TSHZ2: variants seen among roughly 807,000 people sequenced by gnomAD.
The protein encoded by TSHZ2 is teashirt zinc finger homeobox 2.
TSHZ2 carries 21 observed loss-of-function variants against 74.4 expected under a neutral mutation model. The ratio of observed to expected loss-of-function variants is 0.28; its 90% CI spans 0.20 to 0.41. The LOEUF (loss-of-function observed/expected upper bound fraction) is 0.41. Ranked by LOEUF, TSHZ2 falls within the 10% of genes least tolerant of loss-of-function variation. TSHZ2 has a pLI of 1.00. For synonymous variants in TSHZ2, 540 were observed against 515.3 expected, an observed-to-expected ratio of 1.05 and a Z score of -0.65; for missense variants, 1,244 against 1,293.5, an observed-to-expected ratio of 0.96 and a Z score of 0.59.
chr20:53,103,707 A>C (rs1986282925), intron 1 of TSHZ2, among the ~76,000 whole-genome samples: 2 of 152,166 alleles, frequency 1.3e-5, no homozygotes, highest in African/African-American at 4.8e-5. Flanking sequence ...TCACCATTTC[A>C]GTTACAGGGC....
intron 2 of TSHZ2, among the ~76,000 whole-genome samples, chr20:53,279,482 G>A (rs1383193072): frequency 6.6e-6 from 1 of 152,180 alleles, no homozygotes; most frequent in African/African-American, 2.4e-5. Context: ...CAGATGGCAG[G>A]CTGGATCAGG....
At chr20:53,145,530 G>A (rs548454700) in intron 1 of TSHZ2, among the ~76,000 whole-genome samples, 6 of 152,328 alleles carry the variant, frequency 3.9e-5, no homozygotes, top group African/African-American at 1.2e-4. Flanking sequence ...TTAATGAAGG[G>A]TGAGTTATCC....
At chr20:52,988,693 A>G (rs1197206289) in intron 1 of TSHZ2, among the ~76,000 whole-genome samples, 2 of 152,176 alleles carry the variant, frequency 1.3e-5, no homozygotes, top group Admixed American at 1.3e-4. Flanking sequence ...GAAATCTCTT[A>G]TGCTATCCAT....
At chr20:53,100,433 A>G (rs1284995365) in intron 1 of TSHZ2, among the ~76,000 whole-genome samples, 2 of 152,220 alleles carry the variant, frequency 1.3e-5, no homozygotes, top group African/African-American at 2.4e-5. Context: ...GTTAAAAAAT[A>G]AAGTGCATAT....
intron 1 of TSHZ2, among the ~76,000 whole-genome samples, chr20:53,149,465 G>A (rs146623895): frequency 5.9e-5 from 9 of 152,288 alleles, no homozygotes; most frequent in Non-Finnish European, 1.3e-4. Flanking sequence ...GAGAGAAAGA[G>A]GGGGAGGAAA....
chr20:52,989,164 C>A (rs974931659), intron 1 of TSHZ2, among the ~76,000 whole-genome samples: 566 of 125,640 alleles, frequency 4.5e-3, no homozygotes, highest in South Asian at 9.4e-3. Flanking sequence ...CTCTGTCTGG[C>A]AAAAAAAAAA....
At chr20:53,436,536 A>ATTTTTTTTTTTTTTTTTTT (rs71194478) in intron 2 of TSHZ2, among the ~76,000 whole-genome samples, 16 of 83,528 alleles carry the variant, frequency 1.9e-4, no homozygotes, top group East Asian at 4.0e-4. Context: ...TATTATTATT[A>ATTTTTTTTTTTTTTTTTTT]TTATTATTAT....
intron 1 of TSHZ2, among the ~76,000 whole-genome samples, chr20:53,119,772 G>T (rs1358498113): frequency 6.6e-6 from 1 of 152,112 alleles, no homozygotes; most frequent in Non-Finnish European, 1.5e-5. Context: ...CACATATGGG[G>T]TTCACTTTAT....
chr20:53,412,350 C>A (rs1983083634), intron 2 of TSHZ2, among the ~76,000 whole-genome samples: 1 of 152,240 alleles, frequency 6.6e-6, no homozygotes, highest in Non-Finnish European at 1.5e-5. Context: ...CTACTGGTTC[C>A]CAGCCTGTGT....
intron 2 of TSHZ2, among the ~76,000 whole-genome samples, chr20:53,388,647 G>A (rs563610618): frequency 5.4e-4 from 77 of 142,050 alleles, no homozygotes; most frequent in Admixed American, 4.9e-3. Flanking sequence ...AGGCGACCTT[G>A]GCTCACTGCA....
intron 1 of TSHZ2, among the ~76,000 whole-genome samples, chr20:53,095,100 T>C (rs1352482045): frequency 6.6e-6 from 1 of 152,132 alleles, no homozygotes; most frequent in African/African-American, 2.4e-5. Context: ...CTCACGCAAC[T>C]CAAAAGTCTA....
intron 1 of TSHZ2, among the ~76,000 whole-genome samples, chr20:53,126,403 A>G (rs1986948706): frequency 6.6e-6 from 1 of 152,230 alleles, no homozygotes; most frequent in South Asian, 2.1e-4. Flanking sequence ...ACATGATACC[A>G]CTGACCTCAT....
chr20:53,252,487 G>A (rs1222374722), intron 1 of TSHZ2, among the ~76,000 whole-genome samples: 2 of 152,218 alleles, frequency 1.3e-5, no homozygotes, highest in African/African-American at 4.8e-5. Flanking sequence ...TGAAGAAAAT[G>A]AGCCCATAGG....
intron 1 of TSHZ2, among the ~76,000 whole-genome samples, chr20:53,021,331 T>C (rs1057246044): frequency 1.3e-5 from 2 of 152,186 alleles, no homozygotes; most frequent in Non-Finnish European, 2.9e-5. Flanking sequence ...ACCCCAGACC[T>C]ACTGAATCAG....
intron 2 of TSHZ2, among the ~76,000 whole-genome samples, chr20:53,422,139 C>T (rs1326934536): frequency 1.3e-5 from 2 of 151,914 alleles, no homozygotes; most frequent in African/African-American, 2.4e-5. Flanking sequence ...GCTGGACTGC[C>T]GAGTTAAGGT....
At chr20:53,106,423 G>A (rs1376923781) in intron 1 of TSHZ2, among the ~76,000 whole-genome samples, 2 of 16,428 alleles carry the variant, frequency 1.2e-4, no homozygotes, top group African/African-American at 3.0e-4. Context: ...TTTTTTTTTT[G>A]AGACGGAGTC....
At chr20:53,171,564 TTAAG>T (rs1311762771) in intron 1 of TSHZ2, among the ~76,000 whole-genome samples, 1 of 152,172 alleles carries the variant, frequency 6.6e-6, no homozygotes. Flanking sequence ...TTTTCCTAAA[TTAAG>T]TGTTATGTTT....
chr20:53,205,310 A>G (rs1003503533), intron 1 of TSHZ2, among the ~76,000 whole-genome samples: 1 of 152,232 alleles, frequency 6.6e-6, no homozygotes, highest in African/African-American at 2.4e-5. Context: ...ATTTCAGCCC[A>G]GAAATTATGG....
rs142709834 is a variant in TSHZ2 at position 53,435,975 on chromosome 20, T to C, written c.*9-51169T>C. On this transcript the variant is annotated intron_variant, in intron 2 of 2. Transcript: ENST00000371497. Reference sequence around the variant, plus strand: ...CCCCAACCTCACAGGACTGAGACAATGCAAGAAAAGCACTGAGCACAGTGC... The same window carrying C: ...CCCCAACCTCACAGGACTGAGACAACGCAAGAAAAGCACTGAGCACAGTGC... Among the ~76,000 whole-genome samples, 8 of 152,332 alleles carry C rather than the reference T, an allele frequency of 5.3e-5. No homozygotes were observed. In the East Asian group the frequency reaches 1.5e-3, roughly 29 times the overall value.
Sources: allele counts gnomAD v4.1 joint callset (sites outside exome capture counted in the v4.1 genomes callset), GRCh38; gene constraint gnomAD v4.1.1; transcripts MANE v1.5; gene names NCBI Gene and HGNC (gene_info 2026-07-23, HGNC 2026-07-21).